Variants in OPCML observed in about 807,000 individuals in gnomAD.
The protein encoded by OPCML is opioid-binding protein/cell adhesion molecule.
OPCML carries 13 observed loss-of-function variants against 37.8 expected under a neutral mutation model. That is an observed-to-expected ratio of 0.34 (90% CI 0.22 to 0.55). The LOEUF is 0.55. Ranked by LOEUF, OPCML falls within the 20% of genes least tolerant of loss-of-function variation. The pLI, the probability that OPCML is intolerant of heterozygous loss-of-function variation, is 0.91. For missense variants in OPCML, 341 were observed against 435.6 expected (o/e 0.78, Z 1.93); for synonymous variants, 176 against 168.8 (o/e 1.04, Z -0.33).
At chr11:132,862,722 G>A (rs1942359297) in intron 2 of OPCML, among the ~76,000 whole-genome samples, 1 of 152,194 alleles carries the variant, frequency 6.6e-6, no homozygotes, top group Non-Finnish European at 1.5e-5. Context: ...AATGGGGCCT[G>A]TCTCCTGGTC....
chr11:132,842,014 G>A (rs1179437172), intron 2 of OPCML, among the ~76,000 whole-genome samples: 2 of 152,070 alleles, frequency 1.3e-5, no homozygotes, highest in Non-Finnish European at 2.9e-5. Flanking sequence ...AAATGTTTGA[G>A]GTGACAGGCT....
intron 1 of OPCML, among the ~76,000 whole-genome samples, chr11:133,336,571 A>C (rs1273114554): frequency 6.6e-6 from 1 of 152,250 alleles, no homozygotes; most frequent in African/African-American, 2.4e-5. Flanking sequence ...TGAGACAAGA[A>C]ATAGAAATGT....
At chr11:132,672,917 C>T (rs1942538757) in intron 2 of OPCML, among the ~76,000 whole-genome samples, 1 of 152,050 alleles carries the variant, frequency 6.6e-6, no homozygotes, top group African/African-American at 2.4e-5. Flanking sequence ...CACCTTCATT[C>T]CAGGGTAAAT....
At chr11:133,301,387 A>C (rs960298478) in intron 1 of OPCML, 5 of 152,230 alleles carry the variant, frequency 3.3e-5, no homozygotes, top group Non-Finnish European at 5.9e-5. Context: ...TGGCTGAAGT[A>C]GAGAGAATCT....
chr11:133,425,702 C>G (rs1388481316), intron 1 of OPCML, among the ~76,000 whole-genome samples: 2 of 152,164 alleles, frequency 1.3e-5, no homozygotes, highest in Non-Finnish European at 2.9e-5. Context: ...CACCTCAAGA[C>G]AGTAGGTGCC....
intron 2 of OPCML, among the ~76,000 whole-genome samples, chr11:132,686,628 C>T (rs1295036115): frequency 2.0e-5 from 3 of 152,212 alleles, no homozygotes; most frequent in Non-Finnish European, 2.9e-5. Context: ...AATTTCTTTA[C>T]TGCTCAAAAC....
In OPCML at chr11:133,429,195, A is replaced by G. The variant is rs138438528; in HGVS notation, c.61+103069T>C. Among the ~76,000 whole-genome samples the G allele has an allele frequency of 2.2e-3, 332 of 152,366 alleles. 4 individuals carry two copies. The highest frequency in any genetic ancestry group is 3.7e-3 in the South Asian group (18 of 4,826). ...AGATGAAGGAGTTACCCATCCATAT[A>G]TCTTGGGACAGAGCCTTCCAGGAGA... On this transcript the variant is annotated intron_variant, in intron 1 of 7. Coordinates refer to ENST00000524381, the MANE Select transcript of OPCML (RefSeq NM_001012393.5).
intron 2 of OPCML, among the ~76,000 whole-genome samples, chr11:132,870,294 T>C (rs1942746303): frequency 6.6e-6 from 1 of 152,106 alleles, no homozygotes; most frequent in Admixed American, 6.6e-5. Flanking sequence ...GCAATAAAAT[T>C]AAGCCAATAA....
At chr11:132,748,859 A>C (rs1311324043) in intron 2 of OPCML, among the ~76,000 whole-genome samples, 1 of 152,208 alleles carries the variant, frequency 6.6e-6, no homozygotes, top group Non-Finnish European at 1.5e-5. Context: ...GTGAACTTCC[A>C]CAGGGCGGCT....
At chr11:132,619,232 C>T (rs919259616) in intron 3 of OPCML, among the ~76,000 whole-genome samples, 4 of 152,112 alleles carry the variant, frequency 2.6e-5, no homozygotes, top group Non-Finnish European at 5.9e-5. Flanking sequence ...CCAAGTAGGC[C>T]GGGCCTGCCC....
intron 2 of OPCML, among the ~76,000 whole-genome samples, chr11:132,742,043 T>A (rs991078814): frequency 6.6e-6 from 1 of 151,198 alleles, no homozygotes; most frequent in Admixed American, 6.6e-5. Context: ...AAAAAAAAAA[T>A]TAAAAAATAA....
chr11:133,487,785 G>A (rs928961240), intron 1 of OPCML, among the ~76,000 whole-genome samples: 16 of 151,816 alleles, frequency 1.1e-4, no homozygotes, highest in African/African-American at 3.4e-4. Flanking sequence ...TTGTGTGTGT[G>A]TGTGTGTGTG....
chr11:133,183,126 T>C (rs1319493106), intron 1 of OPCML, among the ~76,000 whole-genome samples: 1 of 152,164 alleles, frequency 6.6e-6, no homozygotes, highest in Non-Finnish European at 1.5e-5. Flanking sequence ...TATAAATACC[T>C]ACAGAAAAGG....
chr11:132,955,284 T>C (rs568249824), intron 1 of OPCML, among the ~76,000 whole-genome samples: 50 of 152,292 alleles, frequency 3.3e-4, no homozygotes, highest in African/African-American at 1.1e-3. Flanking sequence ...CCTGTGTTCA[T>C]CACAGCATTT....
At chr11:132,460,986 G>A (rs1182814175) in intron 4 of OPCML, among the ~76,000 whole-genome samples, 1 of 152,140 alleles carries the variant, frequency 6.6e-6, no homozygotes, top group African/African-American at 2.4e-5. Context: ...CATGAAATTT[G>A]GTAGAATGAC....
chr11:132,436,628 C>A, intron 6 of OPCML, 31 bp downstream of exon 6: 1 of 1,612,126 alleles, frequency 6.2e-7, no homozygotes, highest in Admixed American at 1.7e-5. Flanking sequence ...AGCTCTGCTT[C>A]AGAACTGTCC....
At chr11:132,579,196 C>G (rs1038545800) in intron 3 of OPCML, among the ~76,000 whole-genome samples, 1 of 152,102 alleles carries the variant, frequency 6.6e-6, no homozygotes, top group Non-Finnish European at 1.5e-5. Context: ...GGTTGTCTAT[C>G]TACATCGCTC....
intron 1 of OPCML, among the ~76,000 whole-genome samples, chr11:133,031,410 A>T (rs1278183670): frequency 6.9e-6 from 1 of 144,682 alleles, no homozygotes; most frequent in African/African-American, 2.6e-5. Context: ...TGGGTAGGTG[A>T]ATGGATGGAT....
intron 4 of OPCML, among the ~76,000 whole-genome samples, chr11:132,456,824 C>A (rs2096084249): frequency 1.3e-5 from 2 of 152,232 alleles, no homozygotes; most frequent in Admixed American, 1.3e-4. Flanking sequence ...CCATACTTTT[C>A]TGTAATACTC....
Sources: allele counts gnomAD v4.1 joint callset (sites outside exome capture counted in the v4.1 genomes callset), GRCh38; gene constraint gnomAD v4.1.1; transcripts MANE v1.5; gene names NCBI Gene and HGNC (gene_info 2026-07-23, HGNC 2026-07-21).